The following SEL1L2 variants were observed in gnomAD, a reference collection of about 807,000 sequenced individuals.
SEL1L2 encodes the protein protein sel-1 homolog 2.
In SEL1L2, 89 loss-of-function variants were observed where a neutral mutation model predicts 98.8. The observed-to-expected ratio is 0.90, with a 90% CI of 0.76 to 1.07. The LOEUF (loss-of-function observed/expected upper bound fraction) is 1.07, where lower values mean the gene tolerates loss of function less well. Ranked by LOEUF, SEL1L2 falls within the 50% of genes least tolerant of loss-of-function variation. SEL1L2 has a pLI of 0.00. For missense variants in SEL1L2, 788 were observed against 812.0 expected, an observed-to-expected ratio of 0.97 and a Z score of 0.36; for synonymous variants, 262 against 278.5, an observed-to-expected ratio of 0.94 and a Z score of 0.59.
intron 1 of SEL1L2, among the ~76,000 whole-genome samples, chr20:13,984,064 T>C (rs2052013180): frequency 6.6e-6 from 1 of 151,200 alleles, no homozygotes; most frequent in Admixed American, 6.6e-5. Flanking sequence ...CAGGCTTGAG[T>C]GCAGTGGCGT....
At chr20:13,885,505 C>T (rs1203794368) in intron 9 of SEL1L2, 102 bp from the exon 10 acceptor site, 18 of 784,544 alleles carry the variant, frequency 2.3e-5, no homozygotes, top group Admixed American at 1.2e-4. Flanking sequence ...TTGTTGGACA[C>T]GTTTGAAATG....
chr20:13,966,154 G>A (rs1003834687), intron 1 of SEL1L2, among the ~76,000 whole-genome samples: 2 of 152,128 alleles, frequency 1.3e-5, no homozygotes, highest in African/African-American at 4.8e-5. Flanking sequence ...TGCAGCATCT[G>A]TGAAGTGCTA....
intron 18 of SEL1L2, among the ~76,000 whole-genome samples, chr20:13,852,466 T>C (rs1988424789): frequency 6.6e-6 from 1 of 152,120 alleles, no homozygotes; most frequent in South Asian, 2.1e-4. Flanking sequence ...AAAAGACTCC[T>C]CATTCTTTGA....
chr20:13,955,516 G>GA (rs1221645584), intron 2 of SEL1L2, among the ~76,000 whole-genome samples: 2 of 151,654 alleles, frequency 1.3e-5, no homozygotes, highest in African/African-American at 2.4e-5. Context: ...TGATATCAGA[G>GA]AAAAAAAACC....
At chr20:13,939,341 C>G (rs2049635140) in intron 2 of SEL1L2, among the ~76,000 whole-genome samples, 1 of 151,876 alleles carries the variant, frequency 6.6e-6, no homozygotes, top group Non-Finnish European at 1.5e-5. Flanking sequence ...CCACGCCTGG[C>G]CAAAATATAG....
chr20:13,955,583 T>C (rs969037789), intron 2 of SEL1L2, among the ~76,000 whole-genome samples: 12 of 152,220 alleles, frequency 7.9e-5, no homozygotes, highest in Admixed American at 6.5e-5. Context: ...TTGGTTTCAT[T>C]CAGTGTGAGA....
intron 10 of SEL1L2, among the ~76,000 whole-genome samples, chr20:13,884,797 G>A (rs1049250693): frequency 2.6e-5 from 4 of 152,160 alleles, no homozygotes; most frequent in Admixed American, 6.5e-5. Flanking sequence ...ATGAGCCACC[G>A]TACCTGGCCG....
intron 1 of SEL1L2, among the ~76,000 whole-genome samples, chr20:13,975,080 G>A (rs2051472533): frequency 6.6e-6 from 1 of 151,992 alleles, no homozygotes; most frequent in African/African-American, 2.4e-5. Flanking sequence ...GAAGTCATAA[G>A]AACCAGGTTT....
chr20:13,881,171 G>A (rs531172234), intron 10 of SEL1L2, among the ~76,000 whole-genome samples: 1 of 152,060 alleles, frequency 6.6e-6, no homozygotes, highest in Non-Finnish European at 1.5e-5. Context: ...GCACCACCAT[G>A]CCCAGCTAAT....
chr20:13,927,712 G>GT (rs2048963218), intron 3 of SEL1L2, among the ~76,000 whole-genome samples: 2 of 152,302 alleles, frequency 1.3e-5, no homozygotes, highest in South Asian at 4.1e-4. Context: ...AGCATATCCT[G>GT]TGCACAAAAT....
intron 1 of SEL1L2, among the ~76,000 whole-genome samples, chr20:13,962,867 C>T (rs1234727336): frequency 6.6e-6 from 1 of 151,962 alleles, no homozygotes; most frequent in Non-Finnish European, 1.5e-5. Flanking sequence ...AGCTCAAGAC[C>T]CACCTGGCCA....
At chr20:13,893,456 T>G (rs1035352935) in intron 5 of SEL1L2, among the ~76,000 whole-genome samples, 2 of 152,082 alleles carry the variant, frequency 1.3e-5, no homozygotes, top group African/African-American at 4.8e-5. Flanking sequence ...GTTCGCTTCA[T>G]TAGAAAGATG....
intron 3 of SEL1L2, among the ~76,000 whole-genome samples, chr20:13,929,323 G>T (rs1455751534): frequency 6.6e-6 from 1 of 151,644 alleles, no homozygotes; most frequent in African/African-American, 2.4e-5. Flanking sequence ...TTTTAGATGA[G>T]GACCTCTAAC....
chr20:13,908,298 A>G (rs2048065648), intron 5 of SEL1L2, among the ~76,000 whole-genome samples: 1 of 150,154 alleles, frequency 6.7e-6, no homozygotes, highest in Non-Finnish European at 1.5e-5. Flanking sequence ...CAATTTTTTA[A>G]ATTTTGTAGA....
chr20:13,993,046 G>T (rs117238363), upstream of SEL1L2, among the ~76,000 whole-genome samples: 2 of 152,290 alleles, frequency 1.3e-5, no homozygotes, highest in Non-Finnish European at 2.9e-5. Flanking sequence ...GAAAGTCATT[G>T]AATGACTTAC....
At chr20:13,918,169 AC>A (rs1284619077) in intron 4 of SEL1L2, among the ~76,000 whole-genome samples, 2 of 152,068 alleles carry the variant, frequency 1.3e-5, no homozygotes, top group Non-Finnish European at 2.9e-5. Context: ...CAGTTAGGGG[AC>A]TCAAGATAAA....
chr20:13,995,084 CG>C (rs1225857094), upstream of SEL1L2: 1 of 153,668 alleles, frequency 6.5e-6, no homozygotes, highest in Non-Finnish European at 1.4e-5. The surrounding 1 kb of genome is among the most constrained non-coding windows in gnomAD (Gnocchi z 4.3). Flanking sequence ...TGTTGACCCT[CG>C]GTCTCCTCCC....
chr20:13,915,053 A>T, intron 4 of SEL1L2: 1 of 1,238,812 alleles, frequency 8.1e-7, no homozygotes, highest in Non-Finnish European at 1.0e-6. Flanking sequence ...CCTTGACTCA[A>T]ATACAGGGAA....
At chr20:13,995,100 C>T (rs1470098841), upstream of SEL1L2, 3 of 155,712 alleles carry the variant, frequency 1.9e-5, no homozygotes, top group African/African-American at 7.2e-5. This position sits in a 1 kb window ranked among gnomAD's most constrained non-coding sequence, Gnocchi z 4.3. Flanking sequence ...CCTCCCACTT[C>T]TACATCCTCC....
Sources: gnomAD v4.1 joint callset for allele counts (sites outside exome capture counted in the v4.1 genomes callset) on GRCh38, gnomAD v4.1.1 for gene constraint, Gnocchi (gnomAD v3.1) non-coding constraint, MANE v1.5 for transcripts, NCBI Gene and HGNC (gene_info 2026-07-23, HGNC 2026-07-21) for gene names.